ATRNL1: variants seen among roughly 807,000 people sequenced by gnomAD.
The protein encoded by ATRNL1 is attractin like 1, also known as attractin-like protein 1.
In ATRNL1, 95 loss-of-function variants were observed where a neutral mutation model predicts 182.7. The observed-to-expected ratio is 0.52, with a 90% CI of 0.44 to 0.62. The LOEUF (loss-of-function observed/expected upper bound fraction) is 0.62. Among genes scored for constraint, ATRNL1 ranks in the 20% least tolerant of loss-of-function variants. The pLI is 0.00. For missense variants in ATRNL1, 1,471 were observed against 1,679.5 expected (o/e 0.88, Z 2.17); for synonymous variants, 576 against 568.3 (o/e 1.01, Z -0.19).
intron 26 of ATRNL1, among the ~76,000 whole-genome samples, chr10:115,672,530 T>A (rs1565271585): frequency 6.6e-6 from 1 of 152,090 alleles, no homozygotes; most frequent in Non-Finnish European, 1.5e-5. Context: ...AAGAAAATGA[T>A]TAAGAGGATA....
intron 26 of ATRNL1, among the ~76,000 whole-genome samples, chr10:115,672,702 A>G (rs1489142023): frequency 6.6e-6 from 1 of 152,050 alleles, no homozygotes; most frequent in Admixed American, 6.6e-5. Context: ...AAGATTAATT[A>G]TCTGTCATTC....
At chr10:115,884,063 A>G (rs1287607407) in intron 28 of ATRNL1, among the ~76,000 whole-genome samples, 3 of 152,232 alleles carry the variant, frequency 2.0e-5, no homozygotes, top group Non-Finnish European at 4.4e-5. Flanking sequence ...CTGAGGAAAA[A>G]TGGAACAAGC....
intron 27 of ATRNL1, among the ~76,000 whole-genome samples, chr10:115,789,451 T>C (rs553530456): frequency 5.9e-5 from 9 of 152,278 alleles, no homozygotes; most frequent in Admixed American, 4.6e-4. Flanking sequence ...CAAATTATAG[T>C]GTGCTTGATG....
intron 28 of ATRNL1, among the ~76,000 whole-genome samples, chr10:115,944,190 G>A (rs1953813178): frequency 7.0e-6 from 1 of 143,618 alleles, no homozygotes; most frequent in African/African-American, 2.6e-5. Flanking sequence ...ATGGACTTCA[G>A]TTGGTAATTT....
chr10:115,593,378 T>C (rs1271944341), intron 26 of ATRNL1, among the ~76,000 whole-genome samples: 2 of 152,188 alleles, frequency 1.3e-5, no homozygotes, highest in Non-Finnish European at 2.9e-5. Flanking sequence ...CAGCATGGTA[T>C]TGGCACAAAA....
intron 19 of ATRNL1, among the ~76,000 whole-genome samples, chr10:115,338,077 G>T (rs1334582215): frequency 6.6e-6 from 1 of 152,184 alleles, no homozygotes; most frequent in Non-Finnish European, 1.5e-5. Context: ...CTTCTGCTGT[G>T]CAGCCGGTTC....
At chr10:115,911,593 C>T (rs983166136) in intron 28 of ATRNL1, among the ~76,000 whole-genome samples, 3 of 152,152 alleles carry the variant, frequency 2.0e-5, no homozygotes, top group East Asian at 1.9e-4. Flanking sequence ...GGATTAAAGC[C>T]GTGAGCCACC....
At chr10:115,333,887 G>A (rs566763346) in intron 18 of ATRNL1, among the ~76,000 whole-genome samples, 1 of 152,104 alleles carries the variant, frequency 6.6e-6, no homozygotes, top group Non-Finnish European at 1.5e-5. Flanking sequence ...TTATTATCAT[G>A]TGTTAATATA....
intron 28 of ATRNL1, among the ~76,000 whole-genome samples, chr10:115,924,182 C>A (rs1278055732): frequency 6.6e-6 from 1 of 152,080 alleles, no homozygotes; most frequent in African/African-American, 2.4e-5. Context: ...CAAAACATTT[C>A]TCCCATTCTG....
intron 19 of ATRNL1, among the ~76,000 whole-genome samples, chr10:115,391,709 T>G (rs1407689426): frequency 6.6e-6 from 1 of 152,054 alleles, no homozygotes. Context: ...GATGCATGGA[T>G]AGTTTTTCAA....
chr10:115,522,156 G>T (rs879969535), intron 25 of ATRNL1, among the ~76,000 whole-genome samples: 2 of 152,114 alleles, frequency 1.3e-5, no homozygotes, highest in Admixed American at 1.3e-4. Flanking sequence ...TCTTAAGTAG[G>T]TCACTATTTT....
Position 115,816,369 on chromosome 10 carries a change from T to A in ATRNL1, c.3904-31508T>A, listed in dbSNP as rs147573482. On this transcript the variant is annotated intron_variant, in intron 27 of 28. Transcript: ENST00000355044. ...CCATTGGCTTAAGAATCAGATATTG[T>A]ATAAGTCGTTCATTCATTAATTCAA... 4.9e-4 allele frequency among the ~76,000 whole-genome samples: 75 copies of A among 152,284 alleles called. No homozygotes were observed. In the East Asian group the frequency reaches 0.012, roughly 25 times the overall value.
chr10:115,948,312 A>C lies in ATRNL1; in HGVS notation c.*3533A>C, dbSNP rs1555126503. The C allele has an allele frequency of 6.6e-6, 1 of 152,242 alleles. No individual in the cohort carries two copies. The highest frequency in any genetic ancestry group is 1.9e-4 in the East Asian group (1 of 5,198). 9.4% of individuals were successfully genotyped at this position (152,242 alleles called of 1,614,324 possible). A position where few individuals can be genotyped will look rare whatever the true frequency, so the allele number is the denominator to read the frequency against. On this transcript the variant is annotated 3_prime_UTR_variant, in exon 29 of 29. Transcript: ENST00000355044. ...CTTACATTTTGTGGTTATACATGAT[A>C]CATCTTTTCTCAGTGAACATAAAAC...
intron 27 of ATRNL1, among the ~76,000 whole-genome samples, chr10:115,741,292 T>C (rs925008422): frequency 1.3e-5 from 2 of 152,180 alleles, no homozygotes; most frequent in Non-Finnish European, 2.9e-5. Flanking sequence ...TGGTCATTTA[T>C]CTTGGGCTTT....
intron 27 of ATRNL1, among the ~76,000 whole-genome samples, chr10:115,754,315 T>A (rs1948527540): frequency 7.9e-5 from 12 of 152,210 alleles, no homozygotes; most frequent in Admixed American, 7.9e-4. Flanking sequence ...GGTCTAACAT[T>A]TAAGTCTTTA....
intron 28 of ATRNL1, among the ~76,000 whole-genome samples, chr10:115,849,355 T>C: frequency 6.6e-6 from 1 of 152,174 alleles, no homozygotes; most frequent in East Asian, 1.9e-4. Flanking sequence ...AATGGAAGTA[T>C]TGTTTTAAAA....
At chr10:115,531,307 A>C (rs1260374588) in intron 25 of ATRNL1, among the ~76,000 whole-genome samples, 3 of 151,934 alleles carry the variant, frequency 2.0e-5, no homozygotes, top group Non-Finnish European at 4.4e-5. Flanking sequence ...CTGACTTTTT[A>C]ATGGTTGCCA....
chr10:115,794,830 A>G (rs1949612797), intron 27 of ATRNL1, among the ~76,000 whole-genome samples: 1 of 152,186 alleles, frequency 6.6e-6, no homozygotes, highest in African/African-American at 2.4e-5. Flanking sequence ...GGGAAACACT[A>G]TTAAACTATG....
chr10:115,254,311 T>A (rs1471266826), intron 10 of ATRNL1, among the ~76,000 whole-genome samples: 1 of 152,226 alleles, frequency 6.6e-6, no homozygotes, highest in East Asian at 1.9e-4. Flanking sequence ...TTTCCTGACT[T>A]TTTAATGATT....
Sources: gnomAD v4.1 joint callset for allele counts (sites outside exome capture counted in the v4.1 genomes callset) on GRCh38, gnomAD v4.1.1 for gene constraint, MANE v1.5 for transcripts, NCBI Gene and HGNC (gene_info 2026-07-23, HGNC 2026-07-21) for gene names.